IL1RAPL1: variants seen among roughly 807,000 people sequenced by gnomAD.
IL1RAPL1 encodes the protein interleukin-1 receptor accessory protein-like 1.
Under a neutral mutation model 48.4 loss-of-function variants are expected in IL1RAPL1, and 3 were observed. The ratio of observed to expected loss-of-function variants is 0.06; its 90% confidence interval spans 0.03 to 0.16. The LOEUF is 0.16. Among genes scored for constraint, IL1RAPL1 ranks in the 10% least tolerant of loss-of-function variants. IL1RAPL1 has a pLI of 1.00. For missense variants in IL1RAPL1, 349 were observed against 530.6 expected (o/e 0.66, Z 3.36); for synonymous variants, 185 against 187.7 (o/e 0.99, Z 0.12).
chrX:28,929,738 A>G (rs1469411043), intron 2 of IL1RAPL1, among the ~76,000 whole-genome samples: 1 of 112,346 alleles, frequency 8.9e-6, no homozygotes, highest in East Asian at 2.8e-4. Context: ...TTATGTCAAA[A>G]TGCATGTTAA....
chrX:29,411,705 C>CTTT (rs35526788), intron 5 of IL1RAPL1, among the ~76,000 whole-genome samples: 1,432 of 95,930 alleles, frequency 0.015, 24 homozygotes, highest in African/African-American at 0.042. Flanking sequence ...GAAACAACTA[C>CTTT]TTTTTTTTTT....
chrX:29,315,122 T>C (rs1231318553), intron 3 of IL1RAPL1, among the ~76,000 whole-genome samples: 1 of 111,692 alleles, frequency 9.0e-6, no homozygotes, highest in African/African-American at 3.3e-5. Flanking sequence ...AAAGGAAAAC[T>C]ATGTACAAAG....
chrX:29,024,178 C>G (rs986040159), intron 2 of IL1RAPL1, among the ~76,000 whole-genome samples: 1 of 111,766 alleles, frequency 8.9e-6, no homozygotes, highest in Non-Finnish European at 1.9e-5. Context: ...GATGAAAAAT[C>G]TCAGCTATTG....
intron 2 of IL1RAPL1, among the ~76,000 whole-genome samples, chrX:28,791,325 A>T (rs191211512): frequency 2.7e-5 from 3 of 111,815 alleles, no homozygotes; most frequent in Non-Finnish European, 5.6e-5. Context: ...TTTAATATAA[A>T]TGCAAATATT....
At chrX:29,862,923 G>A (rs1271004271) in intron 6 of IL1RAPL1, among the ~76,000 whole-genome samples, 1 of 102,029 alleles carries the variant, frequency 9.8e-6, no homozygotes, top group Non-Finnish European at 2.0e-5. Flanking sequence ...GGTGATTGCC[G>A]TGGTTACCTA....
At chrX:29,157,667 C>T (rs971156454) in intron 2 of IL1RAPL1, among the ~76,000 whole-genome samples, 1 of 101,299 alleles carries the variant, frequency 9.9e-6, no homozygotes, top group Non-Finnish European at 2.0e-5. Flanking sequence ...ATCCTAAATA[C>T]TCCATTTATT....
intron 9 of IL1RAPL1, among the ~76,000 whole-genome samples, chrX:29,946,646 T>G (rs1052876974): frequency 5.3e-5 from 6 of 112,233 alleles, no homozygotes; most frequent in Admixed American, 1.9e-4. Flanking sequence ...ATGTGTGTGT[T>G]TGTGTGCATG....
intron 5 of IL1RAPL1, among the ~76,000 whole-genome samples, chrX:29,640,266 A>AT (rs1303463358): frequency 2.7e-5 from 3 of 111,906 alleles, no homozygotes; most frequent in African/African-American, 9.7e-5. Flanking sequence ...AATCACTGCT[A>AT]TTTCTCTGAT....
In IL1RAPL1 at chrX:29,510,365, A is replaced by T. The variant is rs1935381365; in HGVS notation, c.703+111057A>T. 2.7e-5 allele frequency among the ~76,000 whole-genome samples: 3 copies of T among 112,218 alleles called. No individual in the cohort carries two copies. In the Admixed American group the frequency reaches 2.8e-4, roughly 11 times the overall value. On this transcript the variant is annotated intron_variant, in intron 5 of 10. Coordinates refer to ENST00000378993, the MANE Select transcript of IL1RAPL1 (RefSeq NM_014271.4). ...GAAACAGAGGTACAAACACTAAAAA[A>T]TTCTTTGAAAGGTGGCATTTGTTCT...
intron 2 of IL1RAPL1, among the ~76,000 whole-genome samples, chrX:28,850,351 C>T (rs1238680500): frequency 9.0e-6 from 1 of 111,126 alleles, no homozygotes; most frequent in African/African-American, 3.3e-5. Context: ...TCCATCACAG[C>T]TTTGGTGCTG....
intron 5 of IL1RAPL1, among the ~76,000 whole-genome samples, chrX:29,489,198 T>C (rs1010681329): frequency 2.7e-5 from 3 of 111,670 alleles, no homozygotes; most frequent in African/African-American, 9.8e-5. Context: ...CCAGTTCTGC[T>C]TTAACTTGAG....
chrX:29,742,257 T>G (rs1242409592), intron 6 of IL1RAPL1, among the ~76,000 whole-genome samples: 1 of 112,105 alleles, frequency 8.9e-6, no homozygotes, highest in Non-Finnish European at 1.9e-5. Context: ...TTGATGTTTC[T>G]TAAACCTGCA....
chrX:29,434,756 C>A (rs1293876874), intron 5 of IL1RAPL1, among the ~76,000 whole-genome samples: 8 of 110,880 alleles, frequency 7.2e-5, no homozygotes, highest in Non-Finnish European at 1.3e-4. Context: ...TAAAAATACT[C>A]ATCAATTATT....
chrX:28,723,235 G>A (rs1329731808), intron 1 of IL1RAPL1, among the ~76,000 whole-genome samples: 6 of 110,658 alleles, frequency 5.4e-5, no homozygotes, highest in African/African-American at 2.0e-4. Context: ...GACTTTTTTT[G>A]ATTGGTAGGC....
intron 5 of IL1RAPL1, among the ~76,000 whole-genome samples, chrX:29,452,890 G>A (rs760446222): frequency 2.9e-4 from 31 of 106,558 alleles, no homozygotes; most frequent in African/African-American, 1.0e-3. Flanking sequence ...AAACCACGGA[G>A]AGTGTTCCTC....
intron 5 of IL1RAPL1, among the ~76,000 whole-genome samples, chrX:29,539,164 A>G (rs1602286190): frequency 1.8e-5 from 2 of 111,850 alleles, no homozygotes; most frequent in South Asian, 7.6e-4. Flanking sequence ...AATCCTCAAC[A>G]GAATACTAGC....
intron 6 of IL1RAPL1, among the ~76,000 whole-genome samples, chrX:29,682,299 C>T (rs7879913): frequency 0.12 from 13,359 of 110,517 alleles, 1,561 homozygotes; most frequent in African/African-American, 0.36. Context: ...TAGTCTCATG[C>T]ACTCTCCTCT....
At chrX:29,779,009 A>C (rs1199374913) in intron 6 of IL1RAPL1, among the ~76,000 whole-genome samples, 2 of 111,327 alleles carry the variant, frequency 1.8e-5, no homozygotes, top group Non-Finnish European at 3.8e-5. Flanking sequence ...GGATCCTGAG[A>C]ATTTGCATTT....
At chrX:29,854,077 A>C (rs972918252) in intron 6 of IL1RAPL1, among the ~76,000 whole-genome samples, 14 of 111,863 alleles carry the variant, frequency 1.3e-4, no homozygotes, top group African/African-American at 4.6e-4. Flanking sequence ...CAAATTTTCG[A>C]GGTACGAAGG....
Sources: allele counts gnomAD v4.1 joint callset (sites outside exome capture counted in the v4.1 genomes callset), GRCh38; gene constraint gnomAD v4.1.1; transcripts MANE v1.5; gene names NCBI Gene and HGNC (gene_info 2026-07-23, HGNC 2026-07-21).